PRKAA1: variants seen among roughly 807,000 people sequenced by gnomAD.
PRKAA1 encodes the protein 5'-AMP-activated protein kinase catalytic subunit alpha-1.
In PRKAA1, 23 loss-of-function variants were observed where a neutral mutation model predicts 56.9. The observed-to-expected ratio is 0.40, with a 90% CI of 0.29 to 0.57. The LOEUF (loss-of-function observed/expected upper bound fraction) is 0.57. Ranked by LOEUF, PRKAA1 falls within the 20% of genes least tolerant of loss-of-function variation. The pLI, the probability that PRKAA1 is intolerant of heterozygous loss-of-function variation, is 0.39. For synonymous variants in PRKAA1, 226 were observed against 227.0 expected (o/e 1.00, Z 0.04); for missense variants, 413 against 679.7 (o/e 0.61, Z 4.36).
At chr5:40,774,571 TGG>T (rs1561174708) in intron 3 of PRKAA1, among the ~76,000 whole-genome samples, 6 of 144,936 alleles carry the variant, frequency 4.1e-5, no homozygotes, top group Non-Finnish European at 6.0e-5. Context: ...TTTTTTTTTT[TGG>T]TAAGGAGAAG....
In PRKAA1 at chr5:40,769,272, C is replaced by T. The variant is rs1743611559; in HGVS notation, c.596+144G>A. The T allele has an allele frequency of 2.1e-5, 14 of 659,228 alleles. 2 individuals are homozygous for T. The South Asian group carries it at 3.0e-4, about 14-fold the overall frequency. 40.8% of individuals were successfully genotyped at this position (659,228 alleles called of 1,614,324 possible). A position where few individuals can be genotyped will look rare whatever the true frequency, so the allele number is the denominator to read the frequency against. On this transcript the variant is annotated intron_variant, in intron 5 of 8. Transcript: ENST00000397128. ...TAATGTTGACTTGTAGTCCTTAACC[C>T]TCATTCACATATAAATGTGGTTAAG...
chr5:40,794,029 G>C (rs1009537805), intron 1 of PRKAA1, among the ~76,000 whole-genome samples: 15 of 151,756 alleles, frequency 9.9e-5, no homozygotes, highest in African/African-American at 3.6e-4. Context: ...TTGAACCTGG[G>C]AGGCAGAGGT....
chr5:40,763,087 A>G (rs1743268207), intron 8 of PRKAA1, 65 bp from the exon 9 acceptor site: 1 of 1,555,174 alleles, frequency 6.4e-7, no homozygotes. Context: ...TTGTAACAGT[A>G]TTGAATTTGC....
intron 1 of PRKAA1, among the ~76,000 whole-genome samples, chr5:40,781,701 C>G (rs563915930): frequency 7.2e-5 from 11 of 152,166 alleles, no homozygotes; most frequent in Non-Finnish European, 7.4e-5. Flanking sequence ...GTCATAGATA[C>G]TGACTTAGCA....
chr5:40,768,477 GACA>G lies in PRKAA1; in HGVS notation c.597-790_597-788del, dbSNP rs1424116594. On this transcript the variant is annotated intron_variant, in intron 5 of 8. Coordinates refer to ENST00000397128, the MANE Select transcript of PRKAA1 (RefSeq NM_006251.6). ...TTTTATTCCTAAAAGAATTAAGATA[GACA>G]ACACCATTTTTTTAAAAATTTTTTA... 4 of 927,488 alleles carry G rather than the reference GACA, an allele frequency of 4.3e-6. No individual in the cohort carries two copies. In the South Asian group the frequency reaches 1.5e-4, roughly 35 times the overall value. The allele number at this position is 927,488 out of a possible 1,614,324, so 57.5% of individuals were successfully genotyped here.
At chr5:40,795,833 GGA>G (rs1461531099) in intron 1 of PRKAA1, among the ~76,000 whole-genome samples, 2 of 152,158 alleles carry the variant, frequency 1.3e-5, no homozygotes, top group Admixed American at 6.5e-5. Context: ...TTGTACATTT[GGA>G]GAGTTTGTTG....
intron 1 of PRKAA1, among the ~76,000 whole-genome samples, chr5:40,783,408 T>C (rs1194933410): frequency 2.0e-5 from 3 of 152,296 alleles, no homozygotes; most frequent in African/African-American, 7.2e-5. Flanking sequence ...GAAAAGTTAT[T>C]CCACTGTGAT....
rs1334235713 is a variant in PRKAA1 at position 40,759,557 on chromosome 5, A to G, written c.*3221T>C. On this transcript the variant is annotated 3_prime_UTR_variant, in exon 9 of 9. Coordinates refer to ENST00000397128, the MANE Select transcript of PRKAA1 (RefSeq NM_006251.6). ...AATTTCATTCTTGTCAGAACTCACAATGGAAATAAAATTTCTATTATGGGT... is the reference window on the plus strand; with the variant it reads ...AATTTCATTCTTGTCAGAACTCACAGTGGAAATAAAATTTCTATTATGGGT... The G allele has an allele frequency of 6.6e-6, 1 of 152,334 alleles. No homozygotes were observed. Among genetic ancestry groups the G allele is most frequent in the African/African-American group, 2.4e-5 (1 of 41,448 alleles). 9.4% of individuals were successfully genotyped at this position (152,334 alleles called of 1,614,324 possible).
At position 40,765,216 on chromosome 5, in the gene PRKAA1, C is replaced by A; in HGVS notation, c.844G>T (p.Asp282Tyr). 6.2e-7 allele frequency: 1 copy of A among 1,611,930 alleles called. No individual in the cohort carries two copies. The highest frequency in any genetic ancestry group is 8.5e-7 in the Non-Finnish European group (1 of 1,178,892). The change falls in exon 7 of 9, where the codon GAC becomes TAC. Residue 282 changes from aspartate (D) to tyrosine (Y), a missense_variant. Physicochemically the swap from Asp to Tyr is radical, Grantham distance 160. Transcript: ENST00000397128. ...DIREHEWFKQ[D>Y]LPKYLFPEDP... ...TCAGGAAAGAGATATTTTGGAAGGT[C>A]CTGTTTAAACCATTCATGTTCCCTG...
chr5:40,784,792 G>A (rs1317392273), intron 1 of PRKAA1, among the ~76,000 whole-genome samples: 1 of 152,154 alleles, frequency 6.6e-6, no homozygotes, highest in Admixed American at 6.5e-5. Context: ...GGCACAGAAA[G>A]ATGAAATAAC....
chr5:40,772,041 A>G (rs1743772096), intron 3 of PRKAA1, among the ~76,000 whole-genome samples, 178 bp from the exon 4 acceptor site: 1 of 152,254 alleles, frequency 6.6e-6, no homozygotes, highest in African/African-American at 2.4e-5. Context: ...AAATGCTAAG[A>G]TGGTCTTGGA....
chr5:40,767,347 T>A, intron 6 of PRKAA1, 119 bp downstream of exon 6: 13 of 790,358 alleles, frequency 1.6e-5, no homozygotes, highest in Non-Finnish European at 2.0e-5. Flanking sequence ...CTATACACTC[T>A]ATTTTTTTCA....
chr5:40,792,928 G>T (rs945950567), intron 1 of PRKAA1, among the ~76,000 whole-genome samples: 1 of 151,790 alleles, frequency 6.6e-6, no homozygotes, highest in East Asian at 1.9e-4. Context: ...ATAGCTGGGC[G>T]TAGTGGTGGG....
chr5:40,768,162 G>A (rs552815888), intron 5 of PRKAA1, among the ~76,000 whole-genome samples: 4 of 152,282 alleles, frequency 2.6e-5, no homozygotes, highest in South Asian at 2.1e-4. Context: ...TTTAAATCCC[G>A]TTTGCAGTGC....
chr5:40,768,729 G>T, intron 5 of PRKAA1: 1 of 1,304,446 alleles, frequency 7.7e-7, no homozygotes, highest in Non-Finnish European at 9.7e-7. Flanking sequence ...TGGGTGAAAA[G>T]TTATTAAAAG....
At chr5:40,795,167 T>C (rs1022457746) in intron 1 of PRKAA1, among the ~76,000 whole-genome samples, 2 of 152,044 alleles carry the variant, frequency 1.3e-5, no homozygotes, top group Non-Finnish European at 2.9e-5. Flanking sequence ...TTCTAATCAC[T>C]GATATGTGGG....
At chr5:40,787,518 A>C (rs1489197562) in intron 1 of PRKAA1, among the ~76,000 whole-genome samples, 1 of 152,036 alleles carries the variant, frequency 6.6e-6, no homozygotes, top group African/African-American at 2.4e-5. Flanking sequence ...TTTGTTAAAG[A>C]TACAAATTAT....
chr5:40,760,823 AT>A lies in PRKAA1; in HGVS notation c.*1954del, dbSNP rs1409505872. On this transcript the variant is annotated 3_prime_UTR_variant, in exon 9 of 9. Transcript: ENST00000397128. ...TAAGTGCTCACTGTATTTGCCAAAAATAATCCTAAAATATGATTCTTAAAAT... is the reference window on the plus strand; with the variant it reads ...TAAGTGCTCACTGTATTTGCCAAAAAAATCCTAAAATATGATTCTTAAAAT... 6.5e-6 allele frequency: 1 copy of A among 152,702 alleles called. No homozygotes were observed. The highest frequency in any genetic ancestry group is 1.5e-5 in the Non-Finnish European group (1 of 68,008). The allele number at this position is 152,702 out of a possible 1,614,324, so 9.5% of individuals were successfully genotyped here. A position where few individuals can be genotyped will look rare whatever the true frequency, so the allele number is the denominator to read the frequency against.
At chr5:40,768,783 A>G (rs1743588958) in intron 5 of PRKAA1, 1 of 1,341,614 alleles carries the variant, frequency 7.5e-7, no homozygotes. Flanking sequence ...TTTCAATTTC[A>G]GTAGTATAGT....
Sources: allele counts gnomAD v4.1 joint callset (sites outside exome capture counted in the v4.1 genomes callset), GRCh38; gene constraint gnomAD v4.1.1; transcripts MANE v1.5; gene names NCBI Gene and HGNC (gene_info 2026-07-23, HGNC 2026-07-21).